Variants in DOCK3 observed in about 807,000 individuals in gnomAD.
DOCK3 encodes dedicator of cytokinesis 3.
DOCK3 carries 60 observed loss-of-function variants against 265.6 expected under a neutral mutation model. The ratio of observed to expected loss-of-function variants is 0.23; its 90% CI spans 0.18 to 0.28. The LOEUF is 0.28. DOCK3 is among the 10% of genes least tolerant of loss of function. The pLI, the probability that DOCK3 is intolerant of heterozygous loss-of-function variation, is 1.00. For synonymous variants in DOCK3, 881 were observed against 938.0 expected, an observed-to-expected ratio of 0.94 and a Z score of 1.11; for missense variants, 1,981 against 2,594.3, an observed-to-expected ratio of 0.76 and a Z score of 5.14.
intron 21 of DOCK3, among the ~76,000 whole-genome samples, chr3:51,243,938 C>T (rs2078717904): frequency 6.6e-6 from 1 of 152,168 alleles, no homozygotes; most frequent in Non-Finnish European, 1.5e-5. Flanking sequence ...TTTCCCAGTT[C>T]CATTTATTGA....
At chr3:50,827,365 A>G (rs1445483353) in intron 2 of DOCK3, among the ~76,000 whole-genome samples, 2 of 152,222 alleles carry the variant, frequency 1.3e-5, no homozygotes, top group Admixed American at 6.5e-5. Flanking sequence ...TAGTAAGAGC[A>G]TATTTCATGG....
intron 1 of DOCK3, among the ~76,000 whole-genome samples, chr3:50,760,850 C>A (rs891069839): frequency 6.6e-6 from 1 of 151,010 alleles, no homozygotes; most frequent in Non-Finnish European, 1.5e-5. Flanking sequence ...GGCGTGATCT[C>A]GGCTCACTGC....
chr3:51,026,775 A>G (rs2079842966), intron 5 of DOCK3, among the ~76,000 whole-genome samples: 1 of 151,858 alleles, frequency 6.6e-6, no homozygotes, highest in Non-Finnish European at 1.5e-5. Context: ...GCACATAGAG[A>G]TTTTTGCAGT....
In DOCK3 at chr3:51,374,379, C is replaced by T; in HGVS notation, c.5294-90C>T. 1.6e-6 allele frequency: 2 copies of T among 1,215,514 alleles called. No homozygotes were observed. Among genetic ancestry groups the T allele is most frequent in the South Asian group, 2.6e-5 (2 of 75,786 alleles). The allele number at this position is 1,215,514 out of a possible 1,614,324, so 75.3% of individuals were successfully genotyped here. A position where few individuals can be genotyped will look rare whatever the true frequency, so the allele number is the denominator to read the frequency against. ...TCACCCTAACTGTAAGGGACACCTA[C>T]CCTGGTTCCCTAGTCCTGAGGATGC... On this transcript the variant is annotated intron_variant, in intron 49 of 52. Transcript: ENST00000266037. The surrounding 1 kb of genome is among the most constrained non-coding windows in gnomAD (Gnocchi z 4.8).
chr3:51,379,306 C>A, intron 51 of DOCK3: 1 of 864,684 alleles, frequency 1.2e-6, no homozygotes, highest in Non-Finnish European at 1.4e-6. Context: ...CTTGCTTGGC[C>A]AGCGTTTTTA....
intron 5 of DOCK3, among the ~76,000 whole-genome samples, chr3:51,049,031 A>G (rs1338445577): frequency 6.6e-6 from 1 of 152,192 alleles, no homozygotes; most frequent in African/African-American, 2.4e-5. Context: ...TGTTTTGATT[A>G]AAAGGTTACT....
chr3:51,170,570 G>T (rs1291159462), intron 12 of DOCK3, among the ~76,000 whole-genome samples: 1 of 152,022 alleles, frequency 6.6e-6, no homozygotes, highest in East Asian at 1.9e-4. Flanking sequence ...TGTTTCTGTA[G>T]TATCAGTTGT....
At chr3:51,003,023 T>G (rs1039732410) in intron 5 of DOCK3, among the ~76,000 whole-genome samples, 1 of 152,214 alleles carries the variant, frequency 6.6e-6, no homozygotes, top group Non-Finnish European at 1.5e-5. Flanking sequence ...GATTACTCCT[T>G]AGATATGGGG....
At chr3:51,167,326 C>A (rs763120525) in intron 12 of DOCK3, among the ~76,000 whole-genome samples, 1 of 152,100 alleles carries the variant, frequency 6.6e-6, no homozygotes, top group Non-Finnish European at 1.5e-5. Context: ...ATGGCATTAC[C>A]ATATTATTTT....
At chr3:50,978,902 G>T (rs2077583648) in intron 5 of DOCK3, among the ~76,000 whole-genome samples, 1 of 152,160 alleles carries the variant, frequency 6.6e-6, no homozygotes, top group Admixed American at 6.5e-5. Context: ...GGAGTGACCC[G>T]ATTTTCCAGG....
At chr3:50,852,094 C>G (rs1219763277) in intron 3 of DOCK3, among the ~76,000 whole-genome samples, 1 of 152,240 alleles carries the variant, frequency 6.6e-6, no homozygotes, top group African/African-American at 2.4e-5. Flanking sequence ...GGAGATTTCT[C>G]TGCCTCTTGC....
At chr3:51,378,996 A>G (rs887469634) in intron 51 of DOCK3, among the ~76,000 whole-genome samples, 2 of 152,244 alleles carry the variant, frequency 1.3e-5, no homozygotes, top group Admixed American at 6.5e-5. Context: ...GTTTCTTCCA[A>G]CAGGTACCTG....
At chr3:50,874,102 T>C (rs1257489373) in intron 3 of DOCK3, among the ~76,000 whole-genome samples, 1 of 148,160 alleles carries the variant, frequency 6.7e-6, no homozygotes, top group East Asian at 2.0e-4. Context: ...GTACTCTTAG[T>C]GGGGTGATCA....
At chr3:50,796,063 C>T (rs572634152) in intron 2 of DOCK3, among the ~76,000 whole-genome samples, 13 of 150,140 alleles carry the variant, frequency 8.7e-5, no homozygotes, top group African/African-American at 2.2e-4. Context: ...TTTTTTCAGA[C>T]GGAGTCTGGC....
At chr3:50,940,649 AAT>A (rs989141825) in intron 5 of DOCK3, among the ~76,000 whole-genome samples, 17 of 152,208 alleles carry the variant, frequency 1.1e-4, no homozygotes, top group Admixed American at 6.5e-5. Flanking sequence ...TGAAAAGAAT[AAT>A]AAAGTTGGAA....
At chr3:50,777,824 G>A (rs115782951) in intron 1 of DOCK3, among the ~76,000 whole-genome samples, 183 of 152,086 alleles carry the variant, frequency 1.2e-3, no homozygotes, top group African/African-American at 4.3e-3. Flanking sequence ...TTTGTATGAC[G>A]GGTTTTCTAA....
At chr3:50,841,025 A>G (rs1389068410) in intron 2 of DOCK3, among the ~76,000 whole-genome samples, 1 of 152,158 alleles carries the variant, frequency 6.6e-6, no homozygotes, top group Non-Finnish European at 1.5e-5. Context: ...TCTCCTACCC[A>G]TTGGAGCTGC....
At chr3:50,991,760 T>C (rs747107372) in intron 5 of DOCK3, among the ~76,000 whole-genome samples, 8 of 151,608 alleles carry the variant, frequency 5.3e-5, no homozygotes, top group Non-Finnish European at 1.2e-4. Context: ...TTTACGAAAC[T>C]CTCCACCAAA....
At chr3:51,298,651 G>T in intron 27 of DOCK3, among the ~76,000 whole-genome samples, 1 of 152,172 alleles carries the variant, frequency 6.6e-6, no homozygotes, top group East Asian at 1.9e-4. Flanking sequence ...TTATAAGTGA[G>T]AACATACAGT....
Sources: allele counts gnomAD v4.1 joint callset (sites outside exome capture counted in the v4.1 genomes callset), GRCh38; gene constraint gnomAD v4.1.1; non-coding constraint Gnocchi (gnomAD v3.1); transcripts MANE v1.5; gene names NCBI Gene and HGNC (gene_info 2026-07-23, HGNC 2026-07-21).